Variants in CLASP2 observed in about 807,000 individuals in gnomAD.
CLASP2 encodes the protein cytoplasmic linker associated protein 2.
Under a neutral mutation model 194.4 loss-of-function variants are expected in CLASP2, and 47 were observed. The observed-to-expected ratio is 0.24, with a 90% CI of 0.19 to 0.31. The LOEUF (loss-of-function observed/expected upper bound fraction) is 0.31, where lower values mean the gene tolerates loss of function less well. Ranked by LOEUF, CLASP2 falls within the 10% of genes least tolerant of loss-of-function variation. The pLI is 1.00. For missense variants in CLASP2, 1,445 were observed against 1,823.6 expected (o/e 0.79, Z 3.78); for synonymous variants, 619 against 633.5 (o/e 0.98, Z 0.34).
chr3:33,628,077 G>A (rs2078370119), intron 9 of CLASP2, among the ~76,000 whole-genome samples: 1 of 152,110 alleles, frequency 6.6e-6, no homozygotes, highest in Non-Finnish European at 1.5e-5. Context: ...TACCAACTGA[G>A]TACCTTCATC....
At chr3:33,506,741 A>AT (rs1244897007) in intron 37 of CLASP2, among the ~76,000 whole-genome samples, 3 of 152,288 alleles carry the variant, frequency 2.0e-5, no homozygotes, top group East Asian at 3.9e-4. Flanking sequence ...TTTATTAAAA[A>AT]TACTCTTCTT....
At chr3:33,616,714 A>AAT (rs1191522894) in intron 12 of CLASP2, among the ~76,000 whole-genome samples, 1 of 151,220 alleles carries the variant, frequency 6.6e-6, no homozygotes, top group African/African-American at 2.4e-5. Flanking sequence ...CAAAGATTTC[A>AAT]ATAATTCCCA....
intron 34 of CLASP2, among the ~76,000 whole-genome samples, chr3:33,532,442 TG>T (rs1220338827): frequency 2.6e-5 from 4 of 152,254 alleles, no homozygotes; most frequent in Non-Finnish European, 5.9e-5. Context: ...TTATGTGAGA[TG>T]GATGGTCTTG....
chr3:33,663,705 C>A (rs1209470078), intron 6 of CLASP2, among the ~76,000 whole-genome samples, 190 bp from the exon 7 acceptor site: 2 of 152,072 alleles, frequency 1.3e-5, no homozygotes, highest in African/African-American at 4.8e-5. Flanking sequence ...TGAAAGAAGT[C>A]ACATATAGGT....
intron 6 of CLASP2, among the ~76,000 whole-genome samples, chr3:33,673,794 T>C (rs531966233): frequency 2.4e-4 from 36 of 152,304 alleles, no homozygotes; most frequent in African/African-American, 8.7e-4. Flanking sequence ...GTTGCAATCC[T>C]AGTCTCTGAT....
At chr3:33,580,864 A>T (rs1410431140) in intron 23 of CLASP2, among the ~76,000 whole-genome samples, 1 of 151,530 alleles carries the variant, frequency 6.6e-6, no homozygotes, top group South Asian at 2.1e-4. Context: ...AAATACAAAA[A>T]AATTAGCCGG....
chr3:33,544,622 T>C, intron 31 of CLASP2, 76 bp downstream of exon 31: 1 of 1,347,254 alleles, frequency 7.4e-7, no homozygotes, highest in African/African-American at 1.5e-5. Flanking sequence ...TCAAGTTTAC[T>C]TCGTATAAAA....
chr3:33,627,458 T>C (rs938614452), intron 9 of CLASP2, among the ~76,000 whole-genome samples: 3 of 152,150 alleles, frequency 2.0e-5, no homozygotes, highest in African/African-American at 7.2e-5. Flanking sequence ...AAAGGACATG[T>C]TATAAGTTAG....
intron 29 of CLASP2, among the ~76,000 whole-genome samples, chr3:33,556,117 G>A (rs2154171277): frequency 6.6e-6 from 1 of 152,262 alleles, no homozygotes; most frequent in African/African-American, 2.4e-5. Context: ...TATCTTTAAA[G>A]TATTACTAAT....
chr3:33,619,044 T>C (rs2076682140), intron 12 of CLASP2, among the ~76,000 whole-genome samples: 1 of 152,206 alleles, frequency 6.6e-6, no homozygotes, highest in East Asian at 1.9e-4. Flanking sequence ...GCTACGAACC[T>C]GTAGCTGAAT....
chr3:33,690,614 T>C (rs960504218), intron 2 of CLASP2, among the ~76,000 whole-genome samples: 3 of 152,188 alleles, frequency 2.0e-5, no homozygotes, highest in African/African-American at 7.2e-5. Flanking sequence ...TTACTTTCTG[T>C]GGTTTCAGTT....
chr3:33,521,886 T>A (rs376316338), intron 34 of CLASP2, among the ~76,000 whole-genome samples: 8 of 83,528 alleles, frequency 9.6e-5, no homozygotes, highest in Admixed American at 9.0e-4. Context: ...CACTCCCCCC[T>A]CCACCAGCCC....
intron 12 of CLASP2, among the ~76,000 whole-genome samples, chr3:33,619,082 T>A (rs893536593): frequency 2.6e-5 from 4 of 152,182 alleles, no homozygotes; most frequent in Non-Finnish European, 5.9e-5. Context: ...TACTAAATAT[T>A]ACCGTACTGA....
intron 12 of CLASP2, among the ~76,000 whole-genome samples, chr3:33,614,213 A>G (rs1365701078): frequency 2.0e-5 from 3 of 152,212 alleles, no homozygotes; most frequent in African/African-American, 7.2e-5. Flanking sequence ...CAATTTGAAA[A>G]CAAAGTATAA....
chr3:33,702,122 G>C (rs1206657286), intron 1 of CLASP2, among the ~76,000 whole-genome samples: 2 of 152,106 alleles, frequency 1.3e-5, no homozygotes, highest in Non-Finnish European at 2.9e-5. Flanking sequence ...TCACTGTAGA[G>C]TTTAAGAAGC....
At chr3:33,519,888 AC>A (rs1361869155) in intron 34 of CLASP2, among the ~76,000 whole-genome samples, 1 of 152,194 alleles carries the variant, frequency 6.6e-6, no homozygotes. Flanking sequence ...GTTTCCAAAA[AC>A]GTCTTCCTTT....
chr3:33,533,611 A>T (rs1266427835), intron 34 of CLASP2, among the ~76,000 whole-genome samples: 2 of 152,256 alleles, frequency 1.3e-5, no homozygotes, highest in Admixed American at 6.5e-5. Flanking sequence ...TAAACTAGCC[A>T]ACTATTCTGA....
chr3:33,656,047 T>G (rs2084146339), intron 7 of CLASP2, among the ~76,000 whole-genome samples: 1 of 152,186 alleles, frequency 6.6e-6, no homozygotes, highest in Non-Finnish European at 1.5e-5. Context: ...CTATCTGGTT[T>G]GATTGCCCAG....
At chr3:33,716,110 TTATC>T (rs1362374202) in intron 1 of CLASP2, among the ~76,000 whole-genome samples, 1 of 152,120 alleles carries the variant, frequency 6.6e-6, no homozygotes, top group Non-Finnish European at 1.5e-5. Context: ...AACAGGCAAT[TTATC>T]TATTCTAACA....
Sources: allele counts gnomAD v4.1 joint callset (sites outside exome capture counted in the v4.1 genomes callset), GRCh38; gene constraint gnomAD v4.1.1; transcripts MANE v1.5; gene names NCBI Gene and HGNC (gene_info 2026-07-23, HGNC 2026-07-21).